PARN: variants seen among roughly 807,000 people sequenced by gnomAD.
PARN encodes poly(A)-specific ribonuclease PARN.
PARN carries 71 observed loss-of-function variants against 102.8 expected under a neutral mutation model. That is an observed-to-expected ratio of 0.69 (90% CI 0.57 to 0.84). PARN has a LOEUF of 0.84. PARN is among the 40% of genes least tolerant of loss of function. The pLI is 0.00. For missense variants in PARN, 782 were observed against 760.9 expected (o/e 1.03, Z -0.33); for synonymous variants, 261 against 252.9 (o/e 1.03, Z -0.30).
chr16:14,626,868 C>A (rs189495592), intron 5 of PARN, among the ~76,000 whole-genome samples: 1 of 152,072 alleles, frequency 6.6e-6, no homozygotes, highest in Non-Finnish European at 1.5e-5. Flanking sequence ...CCGCCCTCCC[C>A]GGCCTCCCAA....
intron 13 of PARN, among the ~76,000 whole-genome samples, chr16:14,589,559 T>A (rs1388375492): frequency 7.3e-6 from 1 of 136,466 alleles, no homozygotes; most frequent in Non-Finnish European, 1.6e-5. Context: ...AGTGAGACAC[T>A]CTCTCAAAAA....
chr16:14,542,902 A>C (rs1966850294), intron 21 of PARN, among the ~76,000 whole-genome samples: 2 of 152,228 alleles, frequency 1.3e-5, no homozygotes, highest in Admixed American at 1.3e-4. Context: ...AATATGGAAC[A>C]CAAAGATTAT....
intron 18 of PARN, among the ~76,000 whole-genome samples, chr16:14,558,957 G>A (rs535357247): frequency 2.2e-4 from 33 of 152,150 alleles, no homozygotes; most frequent in East Asian, 1.5e-3. Flanking sequence ...AAAGCCAACC[G>A]AAAATGCCAT....
intron 21 of PARN, among the ~76,000 whole-genome samples, chr16:14,527,428 AC>A (rs1966066748): frequency 1.3e-5 from 2 of 152,230 alleles, no homozygotes; most frequent in South Asian, 4.1e-4. Context: ...CCATTCCAGA[AC>A]TGCAAATAAA....
rs529291183 is a variant in PARN, at chr16:14,492,021, C to T, written c.1481-9194G>A. Among the ~76,000 whole-genome samples, 3 of 152,314 alleles carry T rather than the reference C, an allele frequency of 2.0e-5. No individual in the cohort carries two copies. The South Asian group carries it at 6.2e-4, about 32-fold the overall frequency. Reference sequence around the variant, plus strand: ...TTTGCCTGGGCAGGAAACAGGCCACCGTCACTGATAGCAGAGGCTAACCCA... The same window carrying T: ...TTTGCCTGGGCAGGAAACAGGCCACTGTCACTGATAGCAGAGGCTAACCCA... On this transcript the variant is annotated intron_variant, in intron 21 of 23. Transcript: ENST00000437198.
chr16:14,445,083 T>C (rs540711469), intron 23 of PARN, among the ~76,000 whole-genome samples: 37 of 149,770 alleles, frequency 2.5e-4, no homozygotes, highest in African/African-American at 4.9e-4. Flanking sequence ...CTGCTTCAGC[T>C]TCCCAGAGTG....
At chr16:14,522,660 A>G (rs906930302) in intron 21 of PARN, among the ~76,000 whole-genome samples, 1 of 152,226 alleles carries the variant, frequency 6.6e-6, no homozygotes, top group Non-Finnish European at 1.5e-5. Context: ...AGACCCAGAC[A>G]TGGCCTCAGA....
chr16:14,608,203 A>G, intron 9 of PARN, 78 bp downstream of exon 9: 2 of 1,050,554 alleles, frequency 1.9e-6, no homozygotes, highest in East Asian at 2.6e-5. Flanking sequence ...CAAAAAGGAA[A>G]TGAGAACTAA....
At chr16:14,487,006 C>T (rs997959001) in intron 21 of PARN, among the ~76,000 whole-genome samples, 9 of 152,214 alleles carry the variant, frequency 5.9e-5, no homozygotes, top group Non-Finnish European at 1.0e-4. Context: ...TCAAACACTC[C>T]GGCTTCACTG....
intron 22 of PARN, among the ~76,000 whole-genome samples, chr16:14,455,132 A>G (rs1052361335): frequency 1.6e-4 from 25 of 152,266 alleles, no homozygotes; most frequent in African/African-American, 6.0e-4. Flanking sequence ...CACAAGTATT[A>G]ACTAATATTT....
intron 7 of PARN, among the ~76,000 whole-genome samples, chr16:14,609,753 C>T (rs1300067435): frequency 6.6e-6 from 1 of 152,144 alleles, no homozygotes; most frequent in East Asian, 1.9e-4. Context: ...GACACTTGTC[C>T]AAAATCACAT....
At chr16:14,512,753 T>C (rs749763297) in intron 21 of PARN, among the ~76,000 whole-genome samples, 8 of 152,206 alleles carry the variant, frequency 5.3e-5, no homozygotes, top group Non-Finnish European at 7.3e-5. Context: ...CTCTGCCTTA[T>C]TGCCTCTGAT....
intron 23 of PARN, among the ~76,000 whole-genome samples, chr16:14,440,811 A>C (rs1360680346): frequency 2.0e-5 from 3 of 152,228 alleles, no homozygotes; most frequent in Non-Finnish European, 4.4e-5. Context: ...ACAAAATCGC[A>C]GGGACAGAAA....
chr16:14,544,821 T>C lies in PARN; in HGVS notation c.1480+7200A>G, dbSNP rs867931357. On this transcript the variant is annotated intron_variant, in intron 21 of 23. Transcript: ENST00000437198. ...CAAGATTAAAAGGGTAAACAGACAATTCTACAATCACAGGCGATTTTAACC... is the reference window on the plus strand; with the variant it reads ...CAAGATTAAAAGGGTAAACAGACAACTCTACAATCACAGGCGATTTTAACC... Among the ~76,000 whole-genome samples the C allele has an allele frequency of 2.0e-5, 3 of 152,144 alleles. 1 individual carries two copies. The highest frequency in any genetic ancestry group is 6.8e-3 in the Middle Eastern group (2 of 294).
intron 22 of PARN, among the ~76,000 whole-genome samples, chr16:14,460,548 T>C (rs1159288205): frequency 6.6e-6 from 1 of 152,212 alleles, no homozygotes; most frequent in Non-Finnish European, 1.5e-5. Context: ...TACACTCACC[T>C]TGAAATCAAA....
intron 6 of PARN, among the ~76,000 whole-genome samples, chr16:14,612,059 G>A: frequency 6.6e-6 from 1 of 152,084 alleles, no homozygotes; most frequent in Non-Finnish European, 1.5e-5. Context: ...TGGCAGGGTA[G>A]AAGGAGACAG....
In PARN at chr16:14,630,171, C is replaced by A. The variant is rs766520333; in HGVS notation, c.-46G>T. 6.5e-7 allele frequency: 1 copy of A among 1,534,806 alleles called. No individual in the cohort carries two copies. The highest frequency in any genetic ancestry group is 1.2e-5 in the South Asian group (1 of 83,374). On this transcript the variant is annotated 5_prime_UTR_variant, in exon 1 of 24. Transcript: ENST00000437198. ...TTGGCCCCACCCGGGCCCGCGCCCGCCTCAGCGGTTCTACTCGCCGAATTC... is the reference window on the plus strand; with the variant it reads ...TTGGCCCCACCCGGGCCCGCGCCCGACTCAGCGGTTCTACTCGCCGAATTC...
chr16:14,503,074 C>T (rs558799229), intron 21 of PARN, among the ~76,000 whole-genome samples: 102 of 152,176 alleles, frequency 6.7e-4, no homozygotes, highest in African/African-American at 2.4e-3. Flanking sequence ...CCCCCCTCAC[C>T]CCGCTGCGCC....
intron 21 of PARN, among the ~76,000 whole-genome samples, chr16:14,490,873 G>C (rs1051399351): frequency 3.3e-5 from 5 of 152,030 alleles, no homozygotes; most frequent in East Asian, 3.9e-4. Flanking sequence ...AGAGAATGGA[G>C]GGTTTTATCA....
Sources: gnomAD v4.1 joint callset for allele counts (sites outside exome capture counted in the v4.1 genomes callset) on GRCh38, gnomAD v4.1.1 for gene constraint, MANE v1.5 for transcripts, NCBI Gene and HGNC (gene_info 2026-07-23, HGNC 2026-07-21) for gene names.